Variants in ATR observed in about 807,000 individuals in gnomAD.
ATR encodes the protein serine/threonine-protein kinase ATR.
Under a neutral mutation model 305.3 loss-of-function variants are expected in ATR, and 142 were observed. The ratio of observed to expected loss-of-function variants is 0.47; its 90% confidence interval spans 0.41 to 0.53. The LOEUF (loss-of-function observed/expected upper bound fraction) is 0.53, where lower values mean the gene tolerates loss of function less well. ATR is among the 20% of genes least tolerant of loss of function. The pLI is 0.00. For synonymous variants in ATR, 1,050 were observed against 1,068.1 expected (o/e 0.98, Z 0.33); for missense variants, 2,135 against 3,133.1 (o/e 0.68, Z 7.60).
At chr3:142,560,484 T>C (rs201696936) in intron 5 of ATR, 30 bp from the exon 6 acceptor site, 299 of 1,550,588 alleles carry the variant, frequency 1.9e-4, no homozygotes, top group Non-Finnish European at 2.5e-4. Context: ...AGAGAGATAT[T>C]CATATGCAAT....
chr3:142,535,864 A>C (rs992761996), intron 20 of ATR, among the ~76,000 whole-genome samples: 1 of 152,198 alleles, frequency 6.6e-6, no homozygotes, highest in Non-Finnish European at 1.5e-5. Context: ...TAGTAAAGGC[A>C]TAAGAATTGT....
chr3:142,491,033 A>G (rs900565121), intron 35 of ATR, among the ~76,000 whole-genome samples: 22 of 152,080 alleles, frequency 1.4e-4, no homozygotes, highest in Middle Eastern at 3.2e-3. Flanking sequence ...CACACTTTTA[A>G]AGTTGTTGTT....
chr3:142,532,900 C>T (rs560627287), intron 21 of ATR, among the ~76,000 whole-genome samples: 2 of 152,332 alleles, frequency 1.3e-5, no homozygotes, highest in African/African-American at 4.8e-5. Flanking sequence ...CTCTCATCCT[C>T]TTATCTTATG....
chr3:142,490,061 AT>A (rs2031186860), intron 35 of ATR, among the ~76,000 whole-genome samples: 1 of 151,640 alleles, frequency 6.6e-6, no homozygotes, highest in Non-Finnish European at 1.5e-5. Context: ...GCAGATCTGT[AT>A]TTTTTTTCTT....
rs779275705 is a variant in ATR, at chr3:142,522,711, A to C, written c.4266+17T>G. 4.5e-6 allele frequency: 7 copies of C among 1,570,034 alleles called. No individual in the cohort carries two copies. In the Admixed American group the frequency reaches 8.3e-5, roughly 19 times the overall value. The stretch of plus-strand genomic sequence containing the variant: ...ATTAAACAATTTAAAGCCAGTAATG[A>C]CTATATCCACTCTTACCTGAATGGC... On this transcript the variant is annotated intron_variant, in intron 23 of 46. Transcript: ENST00000350721.
At chr3:142,455,225 T>G (rs1309903284) in intron 45 of ATR, among the ~76,000 whole-genome samples, 1 of 152,090 alleles carries the variant, frequency 6.6e-6, no homozygotes, top group Non-Finnish European at 1.5e-5. Context: ...AATATAAAAC[T>G]TGACCCTAAA....
intron 1 of ATR, among the ~76,000 whole-genome samples, chr3:142,573,489 C>A (rs2108505669): frequency 7.0e-6 from 1 of 141,930 alleles, no homozygotes; most frequent in Admixed American, 7.0e-5. Flanking sequence ...TTTGTATATG[C>A]TACTAAATAA....
chr3:142,554,022 G>C lies in ATR; in HGVS notation c.2342-7C>G, dbSNP rs754576598. 6.3e-7 allele frequency: 1 copy of C among 1,596,232 alleles called. No homozygotes were observed. The highest frequency in any genetic ancestry group is 1.3e-5 in the African/African-American group (1 of 74,546). ...TGTAGATTATCTATGAAAGCTGAAG[G>C]ACAAGAGTATACAATACCTAATTTA... is the stretch of plus-strand genomic sequence containing the variant. On this transcript the variant is annotated splice_polypyrimidine_tract_variant and splice_region_variant and intron_variant, in intron 10 of 46. Coordinates refer to ENST00000350721, the MANE Select transcript of ATR (RefSeq NM_001184.4).
intron 36 of ATR, among the ~76,000 whole-genome samples, chr3:142,476,594 T>C (rs1227422726): frequency 1.3e-5 from 2 of 152,192 alleles, no homozygotes; most frequent in Non-Finnish European, 2.9e-5. Flanking sequence ...TTTGGTTTCA[T>C]ATGAACTTTA....
chr3:142,531,138 C>T (rs2033622410), intron 21 of ATR, among the ~76,000 whole-genome samples: 1 of 152,154 alleles, frequency 6.6e-6, no homozygotes, highest in Non-Finnish European at 1.5e-5. Flanking sequence ...GTTTCAATTG[C>T]TCTGCTTGAC....
At chr3:142,505,345 A>C in intron 28 of ATR, 42 bp from the exon 29 acceptor site, 1 of 1,604,640 alleles carries the variant, frequency 6.2e-7, no homozygotes, top group Non-Finnish European at 8.5e-7. Context: ...CAAGAAAAAA[A>C]CACAACTGGA....
chr3:142,449,851 A>T, intron 46 of ATR: 1 of 518,636 alleles, frequency 1.9e-6, no homozygotes, highest in Non-Finnish European at 3.5e-6. Flanking sequence ...ATACCAGGGA[A>T]TTATTTACAC....
At chr3:142,488,076 A>C (rs1416238887) in intron 35 of ATR, among the ~76,000 whole-genome samples, 1 of 152,194 alleles carries the variant, frequency 6.6e-6, no homozygotes, top group Non-Finnish European at 1.5e-5. Flanking sequence ...TGTGAAGTTC[A>C]ATCAATGGAA....
At chr3:142,477,336 T>C (rs537165319) in intron 36 of ATR, among the ~76,000 whole-genome samples, 37 of 152,362 alleles carry the variant, frequency 2.4e-4, no homozygotes, top group African/African-American at 8.2e-4. Flanking sequence ...CTTTTCTGCA[T>C]CTATTGACAT....
intron 23 of ATR, among the ~76,000 whole-genome samples, chr3:142,521,559 G>A (rs1485274557): frequency 6.6e-6 from 1 of 152,144 alleles, no homozygotes; most frequent in Non-Finnish European, 1.5e-5. Flanking sequence ...CATTAAGAAC[G>A]TTCATGATTC....
chr3:142,471,775 A>G (rs569965645), intron 36 of ATR, among the ~76,000 whole-genome samples: 1 of 152,298 alleles, frequency 6.6e-6, no homozygotes, highest in Admixed American at 6.5e-5. Context: ...GCAATTTTCA[A>G]TACAAAACAT....
rs546534544 is a variant in ATR at position 142,474,453 on chromosome 3, G to C, written c.6222-4270C>G. ...TTTCATTGTATAGGTCTTTTGCCTT[G>C]TATTTATTCCCAAGTATTATATTTT... On this transcript the variant is annotated intron_variant, in intron 36 of 46. Transcript: ENST00000350721. Among the ~76,000 whole-genome samples, 7 of 152,004 alleles carry C rather than the reference G, an allele frequency of 4.6e-5. No homozygotes were observed. In the East Asian group the frequency reaches 1.2e-3, roughly 25 times the overall value.
At chr3:142,494,443 G>T (rs1194562777) in intron 34 of ATR, among the ~76,000 whole-genome samples, 1 of 152,188 alleles carries the variant, frequency 6.6e-6, no homozygotes. Flanking sequence ...TACAACAGAG[G>T]AATATACATC....
chr3:142,485,073 T>C (rs754599683), intron 36 of ATR, 67 bp downstream of exon 36: 6 of 1,587,502 alleles, frequency 3.8e-6, no homozygotes, highest in African/African-American at 1.3e-5. Context: ...AGACATGTGA[T>C]AACAGTTTCA....
Sources: allele counts gnomAD v4.1 joint callset (sites outside exome capture counted in the v4.1 genomes callset), GRCh38; gene constraint gnomAD v4.1.1; transcripts MANE v1.5; gene names NCBI Gene and HGNC (gene_info 2026-07-23, HGNC 2026-07-21).